The following COG7 variants were observed in gnomAD, a reference collection of about 807,000 sequenced individuals.
COG7 encodes component of oligomeric golgi complex 7.
COG7 carries 49 observed loss-of-function variants against 91.5 expected under a neutral mutation model. That is an observed-to-expected ratio of 0.54 (90% CI 0.43 to 0.68). The LOEUF is 0.68. Ranked by LOEUF, COG7 falls within the 30% of genes least tolerant of loss-of-function variation. The pLI is 0.00. For synonymous variants in COG7, 365 were observed against 388.7 expected (o/e 0.94, Z 0.72); for missense variants, 895 against 961.3 (o/e 0.93, Z 0.91).
rs897692040 is a variant in COG7, at chr16:23,405,755, G to T, written c.1662+321C>A. Among the ~76,000 whole-genome samples the T allele has an allele frequency of 5.3e-5, 8 of 152,054 alleles. No individual in the cohort carries two copies. In the East Asian group the frequency reaches 1.4e-3, roughly 26 times the overall value. ...TGGTCTTAAACTCCTGACCTCAGGG[G>T]ATCCACCCACCTCGGCCTCCCAAAG... On this transcript the variant is annotated intron_variant, in intron 12 of 16. Coordinates refer to ENST00000307149, the MANE Select transcript of COG7 (RefSeq NM_153603.4).
chr16:23,442,358 A>G, intron 4 of COG7, 119 bp downstream of exon 4: 1 of 923,446 alleles, frequency 1.1e-6, no homozygotes, highest in East Asian at 2.4e-5. Flanking sequence ...AAAAAATTAC[A>G]GAGTTCCTTC....
chr16:23,431,283 G>A (rs1479883512), intron 6 of COG7, among the ~76,000 whole-genome samples: 3 of 152,192 alleles, frequency 2.0e-5, no homozygotes, highest in Non-Finnish European at 4.4e-5. Context: ...CCGACCTTCA[G>A]GAGGGGACAG....
chr16:23,409,442 ATTAC>A (rs1002580532), intron 11 of COG7, among the ~76,000 whole-genome samples: 2 of 152,118 alleles, frequency 1.3e-5, no homozygotes, highest in African/African-American at 4.8e-5. Context: ...CCTAGCACCC[ATTAC>A]TTACTTTTGG....
chr16:23,398,738 C>G (rs544302614), intron 13 of COG7, among the ~76,000 whole-genome samples: 1 of 152,206 alleles, frequency 6.6e-6, no homozygotes, highest in Non-Finnish European at 1.5e-5. Context: ...CTCATCAGAA[C>G]TCAGAGGGAT....
rs190455913 is a variant in COG7 at position 23,407,642 on chromosome 16, T to C, written c.1476-1380A>G. The stretch of plus-strand genomic sequence containing the variant: ...CTGCATTTAACACATGCTGTCTCAT[T>C]TCCCTCCAACTGGACGGTGAGGACA... On this transcript the variant is annotated intron_variant, in intron 11 of 16. Transcript: ENST00000307149. 1.9e-3 allele frequency among the ~76,000 whole-genome samples: 294 copies of C among 152,306 alleles called. 2 individuals are homozygous for C. The highest frequency in any genetic ancestry group is 2.6e-3 in the Non-Finnish European group (178 of 68,022).
chr16:23,398,043 T>TA lies in COG7; in HGVS notation c.1887+2dup. 1.9e-6 allele frequency: 3 copies of TA among 1,613,432 alleles called. No individual in the cohort carries two copies. Among genetic ancestry groups the TA allele is most frequent in the Non-Finnish European group, 2.5e-6 (3 of 1,179,342 alleles). On this transcript the variant is annotated splice_region_variant and intron_variant, in intron 14 of 16. Transcript: ENST00000307149. Reference sequence around the variant, plus strand: ...CCCTGGAGAAGCACACAGAAGCTCTTACGTTGCTGATGTACTCGAGAGGGG... The same window carrying TA: ...CCCTGGAGAAGCACACAGAAGCTCTTAACGTTGCTGATGTACTCGAGAGGGG...
intron 7 of COG7, among the ~76,000 whole-genome samples, chr16:23,423,782 C>T (rs550314578): frequency 1.3e-5 from 2 of 152,356 alleles, no homozygotes; most frequent in African/African-American, 4.8e-5. Context: ...CCTGATTTGA[C>T]AGCAACATGC....
intron 13 of COG7, among the ~76,000 whole-genome samples, chr16:23,398,939 A>G (rs1963329687): frequency 6.6e-6 from 1 of 152,176 alleles, no homozygotes; most frequent in South Asian, 2.1e-4. Flanking sequence ...ACATGTGCTC[A>G]CAGACTTCAG....
intron 1 of COG7, among the ~76,000 whole-genome samples, chr16:23,448,181 T>C (rs1333256585): frequency 1.3e-5 from 2 of 152,132 alleles, no homozygotes; most frequent in Non-Finnish European, 2.9e-5. Flanking sequence ...TTTAAACCTA[T>C]GAAGGCTACC....
At chr16:23,428,019 A>G (rs1173360589) in intron 6 of COG7, among the ~76,000 whole-genome samples, 4 of 152,174 alleles carry the variant, frequency 2.6e-5, no homozygotes, top group Admixed American at 2.6e-4. Context: ...CTACTAAAAA[A>G]TACAAAAATT....
Position 23,416,978 on chromosome 16 carries a change from G to A in COG7, c.1281C>T (p.Ser427=), listed in dbSNP as rs1473225475. The change falls in exon 9 of 17, where the codon TCC becomes TCT. Residue 427 remains serine, a synonymous_variant. Coordinates refer to ENST00000307149, the MANE Select transcript of COG7 (RefSeq NM_153603.4). ...TTCCCCAGCCTTACTTGGCAAAGAG[G>A]GATTTCAGGGCTGACAACAGGCCGC... The part of the protein sequence containing the change: ...GTCGLLSALK[S]LFAKYVSDFT... 7 of 1,614,038 alleles carry A rather than the reference G, an allele frequency of 4.3e-6. No homozygotes were observed. The highest frequency in any genetic ancestry group is 4.2e-6 in the Non-Finnish European group (5 of 1,180,034).
At chr16:23,402,677 G>A (rs1266586250) in intron 13 of COG7, among the ~76,000 whole-genome samples, 1 of 152,156 alleles carries the variant, frequency 6.6e-6, no homozygotes, top group African/African-American at 2.4e-5. Context: ...TCCACTTTAC[G>A]TCCCCTTCTG....
chr16:23,405,831 C>G (rs745980843), intron 12 of COG7, among the ~76,000 whole-genome samples: 1 of 152,144 alleles, frequency 6.6e-6, no homozygotes, highest in Non-Finnish European at 1.5e-5. Flanking sequence ...GCCACATTCT[C>G]TAACCTGGCT....
intron 1 of COG7, among the ~76,000 whole-genome samples, chr16:23,451,313 T>C (rs980069747): frequency 6.6e-5 from 10 of 152,242 alleles, no homozygotes; most frequent in Admixed American, 1.3e-4. Context: ...CAGTACGTAC[T>C]GAATCAACAC....
chr16:23,413,579 A>G lies in COG7; in HGVS notation c.1293-15T>C. On this transcript the variant is annotated splice_polypyrimidine_tract_variant and intron_variant, in intron 9 of 16. Coordinates refer to ENST00000307149, the MANE Select transcript of COG7 (RefSeq NM_153603.4). Reference sequence around the variant, plus strand: ...CAGACACATACCTGCCGGGAAAGGGAAGAAAATGGTAGGGAGGTCACCACT... The same window carrying G: ...CAGACACATACCTGCCGGGAAAGGGGAGAAAATGGTAGGGAGGTCACCACT... 1 of 1,399,904 alleles carries G rather than the reference A, an allele frequency of 7.1e-7. No homozygotes were observed. The highest frequency in any genetic ancestry group is 1.2e-5 in the South Asian group (1 of 86,846). The allele number at this position is 1,399,904 out of a possible 1,614,324, so 86.7% of individuals were successfully genotyped here.
At chr16:23,400,558 C>T (rs1963358133) in intron 13 of COG7, among the ~76,000 whole-genome samples, 2 of 152,088 alleles carry the variant, frequency 1.3e-5, no homozygotes, top group African/African-American at 4.8e-5. Context: ...AAAGGGGAGG[C>T]AGGAGGAGCA....
At chr16:23,413,690 C>T (rs990427747) in intron 9 of COG7, 126 bp from the exon 10 acceptor site, 17 of 724,460 alleles carry the variant, frequency 2.3e-5, no homozygotes, top group South Asian at 7.3e-5. Flanking sequence ...AGGCTCCCAC[C>T]GACGAGTGAA....
At chr16:23,438,125 T>C (rs1008496592) in intron 4 of COG7, among the ~76,000 whole-genome samples, 28 of 150,718 alleles carry the variant, frequency 1.9e-4, no homozygotes, top group Non-Finnish European at 3.4e-4. Flanking sequence ...CATCAAAAGA[T>C]TTTATCAATA....
intron 16 of COG7, chr16:23,391,966 C>A: frequency 8.8e-7 from 1 of 1,137,646 alleles, no homozygotes; most frequent in Non-Finnish European, 1.1e-6. Flanking sequence ...ACCCACCTCA[C>A]AGGGGAGTTT....
Sources: gnomAD v4.1 joint callset for allele counts (sites outside exome capture counted in the v4.1 genomes callset) on GRCh38, gnomAD v4.1.1 for gene constraint, MANE v1.5 for transcripts, NCBI Gene and HGNC (gene_info 2026-07-23, HGNC 2026-07-21) for gene names.